CDH18: variants seen among roughly 807,000 people sequenced by gnomAD.
The protein encoded by CDH18 is cadherin 18, also known as cadherin-18.
CDH18 carries 31 observed loss-of-function variants against 67.9 expected under a neutral mutation model. The observed-to-expected ratio is 0.46, with a 90% CI of 0.34 to 0.62. CDH18 has a LOEUF of 0.62. CDH18 is among the 20% of genes least tolerant of loss of function. The pLI is 0.01. For missense variants in CDH18, 890 were observed against 975.5 expected (o/e 0.91, Z 1.17); for synonymous variants, 362 against 347.2 (o/e 1.04, Z -0.48).
chr5:19,941,410 G>A (rs757727543), intron 2 of CDH18, among the ~76,000 whole-genome samples: 28 of 152,166 alleles, frequency 1.8e-4, no homozygotes, highest in Non-Finnish European at 3.5e-4. Context: ...TGGTTGAGAC[G>A]GGACTGAGTA....
intron 1 of CDH18, among the ~76,000 whole-genome samples, chr5:20,572,190 T>C (rs1253182202): frequency 2.0e-5 from 3 of 151,330 alleles, no homozygotes; most frequent in African/African-American, 7.3e-5. Context: ...AACATTCTTT[T>C]ATCTTCAATT....
chr5:19,561,838 T>A (rs1380395284), intron 8 of CDH18, among the ~76,000 whole-genome samples: 1 of 152,188 alleles, frequency 6.6e-6, no homozygotes, highest in Non-Finnish European at 1.5e-5. Context: ...GTTGTCTTAG[T>A]CATCTTTATG....
At chr5:20,412,004 A>G (rs959289265) in intron 1 of CDH18, among the ~76,000 whole-genome samples, 1 of 152,184 alleles carries the variant, frequency 6.6e-6, no homozygotes, top group Admixed American at 6.5e-5. Flanking sequence ...AATTATCAAC[A>G]TCACTTTTCA....
chr5:20,073,940 AT>A (rs1357651122), intron 2 of CDH18, among the ~76,000 whole-genome samples: 2 of 152,154 alleles, frequency 1.3e-5, no homozygotes, highest in East Asian at 3.9e-4. Flanking sequence ...AAACCAATTA[AT>A]TTATCTTAGT....
chr5:20,264,126 A>G (rs1580616663), intron 1 of CDH18, among the ~76,000 whole-genome samples: 1 of 152,106 alleles, frequency 6.6e-6, no homozygotes, highest in African/African-American at 2.4e-5. Flanking sequence ...ATTTTAATAC[A>G]TATGGATAAT....
intron 2 of CDH18, among the ~76,000 whole-genome samples, chr5:20,210,542 A>T (rs1229514472): frequency 6.6e-6 from 1 of 151,970 alleles, no homozygotes; most frequent in East Asian, 1.9e-4. Context: ...TTAAATATTT[A>T]TTTTAAATTT....
At chr5:19,773,270 T>C (rs1025437695) in intron 3 of CDH18, among the ~76,000 whole-genome samples, 2 of 152,086 alleles carry the variant, frequency 1.3e-5, no homozygotes, top group Non-Finnish European at 2.9e-5. Flanking sequence ...TCTGAAAAGG[T>C]AAGTAGAGCT....
intron 2 of CDH18, among the ~76,000 whole-genome samples, chr5:20,105,075 G>A (rs1027969863): frequency 6.6e-6 from 1 of 151,840 alleles, no homozygotes; most frequent in Non-Finnish European, 1.5e-5. Flanking sequence ...TGCAACCTCT[G>A]CCTCCCAGTT....
chr5:20,304,470 C>T, intron 1 of CDH18: 4 of 1,558,450 alleles, frequency 2.6e-6, no homozygotes, highest in Non-Finnish European at 3.5e-6. Flanking sequence ...CCACTGTCAC[C>T]TTCCGCTTGG....
chr5:20,455,179 AC>A (rs2150213344), intron 1 of CDH18, among the ~76,000 whole-genome samples: 1 of 152,070 alleles, frequency 6.6e-6, no homozygotes, highest in East Asian at 1.9e-4. Flanking sequence ...ATCATTAAGA[AC>A]GAGCTGATGG....
intron 5 of CDH18, among the ~76,000 whole-genome samples, chr5:19,716,397 TATTA>T (rs1468735026): frequency 1.3e-5 from 2 of 152,124 alleles, no homozygotes; most frequent in Non-Finnish European, 2.9e-5. Flanking sequence ...ATTTATATTA[TATTA>T]ATTAAACTAT....
chr5:20,150,732 C>A (rs1210285951), intron 2 of CDH18, among the ~76,000 whole-genome samples: 21 of 151,840 alleles, frequency 1.4e-4, no homozygotes, highest in Non-Finnish European at 2.9e-5. Flanking sequence ...ATAGATAGAT[C>A]CATTATGTTT....
chr5:19,599,632 G>C (rs969580171), intron 6 of CDH18, among the ~76,000 whole-genome samples: 4 of 152,258 alleles, frequency 2.6e-5, no homozygotes, highest in African/African-American at 7.2e-5. Context: ...GCCAGGCGTG[G>C]TGGCTCACGC....
intron 9 of CDH18, among the ~76,000 whole-genome samples, chr5:19,537,358 A>G (rs1278984954): frequency 6.6e-6 from 1 of 151,904 alleles, no homozygotes; most frequent in South Asian, 2.1e-4. Flanking sequence ...TAATAAATCT[A>G]CCTGTTCCCC....
chr5:20,433,562 T>C (rs746796324), intron 1 of CDH18, among the ~76,000 whole-genome samples: 10 of 152,034 alleles, frequency 6.6e-5, no homozygotes, highest in Non-Finnish European at 1.2e-4. Context: ...GGTGTTAATA[T>C]GTTATTATGT....
chr5:19,603,019 G>A (rs911683856), intron 6 of CDH18, among the ~76,000 whole-genome samples: 6 of 151,764 alleles, frequency 4.0e-5, no homozygotes, highest in African/African-American at 9.6e-5. Flanking sequence ...TAGCAATTCC[G>A]CTTCTGGATA....
At chr5:20,433,800 T>C (rs1212169032) in intron 1 of CDH18, among the ~76,000 whole-genome samples, 1 of 151,808 alleles carries the variant, frequency 6.6e-6, no homozygotes, top group African/African-American at 2.4e-5. Context: ...AAAAAAAGGG[T>C]TATGGCTGAG....
chr5:20,026,541 G>T (rs1004456017), intron 2 of CDH18, among the ~76,000 whole-genome samples: 4 of 152,034 alleles, frequency 2.6e-5, no homozygotes, highest in African/African-American at 9.7e-5. Flanking sequence ...AAATATAAAT[G>T]TCTTTATTTT....
At chr5:19,555,302 G>T (rs1738191281) in intron 8 of CDH18, among the ~76,000 whole-genome samples, 1 of 152,192 alleles carries the variant, frequency 6.6e-6, no homozygotes, top group Non-Finnish European at 1.5e-5. Context: ...GACTGCAGCT[G>T]CAGGCTCCAT....
Sources: allele counts gnomAD v4.1 joint callset (sites outside exome capture counted in the v4.1 genomes callset), GRCh38; gene constraint gnomAD v4.1.1; transcripts MANE v1.5; gene names NCBI Gene and HGNC (gene_info 2026-07-23, HGNC 2026-07-21).